JAML: variants seen among roughly 807,000 people sequenced by gnomAD.
JAML encodes the protein junctional adhesion molecule-like.
Under a neutral mutation model 39.3 loss-of-function variants are expected in JAML, and 25 were observed. That is an observed-to-expected ratio of 0.64 (90% CI 0.46 to 0.89). JAML has a LOEUF of 0.89. Among genes scored for constraint, JAML ranks in the 40% least tolerant of loss-of-function variants. JAML has a pLI of 0.00. For missense variants in JAML, 440 were observed against 486.9 expected, an observed-to-expected ratio of 0.90 and a Z score of 0.91; for synonymous variants, 162 against 179.2, an observed-to-expected ratio of 0.90 and a Z score of 0.77.
intron 3 of JAML, among the ~76,000 whole-genome samples, chr11:118,211,563 A>G (rs575450715): frequency 1.3e-5 from 2 of 152,308 alleles, no homozygotes; most frequent in African/African-American, 2.4e-5. Flanking sequence ...TCTTATTTCT[A>G]CTTACACTAT....
At chr11:118,217,315 G>A (rs1267079753) in intron 1 of JAML, among the ~76,000 whole-genome samples, 8 of 152,182 alleles carry the variant, frequency 5.3e-5, no homozygotes, top group Non-Finnish European at 8.8e-5. Flanking sequence ...GGAAGCCAGC[G>A]ACTCTAAAAA....
chr11:118,196,620 T>C lies in JAML; in HGVS notation c.1092+115A>G, dbSNP rs1458668055. The C allele has an allele frequency of 4.9e-6, 4 of 809,912 alleles. No homozygotes were observed. The East Asian group carries it at 9.8e-5, about 20-fold the overall frequency. The allele number at this position is 809,912 out of a possible 1,614,324, so 50.2% of individuals were successfully genotyped here. A position where few individuals can be genotyped will look rare whatever the true frequency, so the allele number is the denominator to read the frequency against. On this transcript the variant is annotated intron_variant, in intron 9 of 9. Coordinates refer to ENST00000356289, the MANE Select transcript of JAML (RefSeq NM_001098526.2). ...ACTTCAGTTTCTCAGACTTTTCTGCTACTTAGAAAAATCACCGCCCTCAGC... is the reference window on the plus strand; with the variant it reads ...ACTTCAGTTTCTCAGACTTTTCTGCCACTTAGAAAAATCACCGCCCTCAGC...
chr11:118,214,598 C>A (rs1458492863), intron 2 of JAML, among the ~76,000 whole-genome samples: 1 of 152,138 alleles, frequency 6.6e-6, no homozygotes, highest in Non-Finnish European at 1.5e-5. Context: ...CTTTAGGACC[C>A]AAATGCATTC....
At chr11:118,198,520 G>C (rs1397716443) in intron 7 of JAML, among the ~76,000 whole-genome samples, 2 of 151,984 alleles carry the variant, frequency 1.3e-5, no homozygotes, top group Non-Finnish European at 2.9e-5. Flanking sequence ...TGGCCTTTCC[G>C]GGGGGCGGAG....
At chr11:118,198,863 C>A (rs1948716914) in intron 7 of JAML, among the ~76,000 whole-genome samples, 1 of 152,138 alleles carries the variant, frequency 6.6e-6, no homozygotes. Flanking sequence ...CCCATGGGAT[C>A]CACCTTCTCC....
intron 3 of JAML, among the ~76,000 whole-genome samples, chr11:118,211,266 ATT>A (rs1452681249): frequency 6.6e-6 from 1 of 152,000 alleles, no homozygotes; most frequent in Non-Finnish European, 1.5e-5. Flanking sequence ...TTGGTTTTGT[ATT>A]GTTTTCTTCT....
chr11:118,205,767 G>A, intron 5 of JAML, 115 bp downstream of exon 5: 1 of 914,968 alleles, frequency 1.1e-6, no homozygotes, highest in South Asian at 1.5e-5. Context: ...GTCCAGTTCT[G>A]ATAAGCACCA....
intron 1 of JAML, among the ~76,000 whole-genome samples, chr11:118,224,663 GC>G (rs1262840456): frequency 6.6e-6 from 1 of 152,178 alleles, no homozygotes; most frequent in East Asian, 1.9e-4. Context: ...TGACTTAAAA[GC>G]TGAAGCCTTG....
intron 7 of JAML, 77 bp from the exon 8 acceptor site, chr11:118,198,168 T>TCACGAAGCCAAGAG: frequency 1.6e-6 from 2 of 1,231,258 alleles, no homozygotes; most frequent in Non-Finnish European, 2.4e-6. Flanking sequence ...GATCCCCTCT[T>TCACGAAGCCAAGAG]GGCTTCGTGA....
intron 2 of JAML, chr11:118,213,434 C>A: frequency 7.0e-5 from 38 of 542,264 alleles, no homozygotes; most frequent in Non-Finnish European, 8.2e-5. Context: ...CTTCCTGCCC[C>A]AACAGTAGGC....
At chr11:118,210,734 G>C in intron 3 of JAML, 22 bp from the exon 4 acceptor site, 1 of 1,602,262 alleles carries the variant, frequency 6.2e-7, no homozygotes, top group Non-Finnish European at 8.6e-7. Context: ...AACAGTGTTG[G>C]AGACAATCAA....
At chr11:118,205,833 A>G (rs1175046923) in intron 5 of JAML, 49 bp downstream of exon 5, 2 of 1,535,834 alleles carry the variant, frequency 1.3e-6, no homozygotes, top group African/African-American at 2.7e-5. Flanking sequence ...TTGTCCTGAT[A>G]CCATCAGCCA....
At chr11:118,197,006 CA>C in intron 8 of JAML, 185 bp from the exon 9 acceptor site, 1 of 553,938 alleles carries the variant, frequency 1.8e-6, no homozygotes, top group Non-Finnish European at 3.2e-6. Context: ...AATTAACTGT[CA>C]AAGAACACAG....
chr11:118,220,746 A>G (rs568175120), intron 1 of JAML, among the ~76,000 whole-genome samples: 1 of 152,186 alleles, frequency 6.6e-6, no homozygotes, highest in East Asian at 1.9e-4. Context: ...CCTCCAGGTA[A>G]GTGCCCTCAG....
In JAML at chr11:118,197,815, A is replaced by G. The variant is rs986683706; in HGVS notation, c.1005+183T>C. The G allele has an allele frequency of 1.2e-5, 7 of 573,410 alleles. No homozygotes were observed. In the South Asian group the frequency reaches 1.4e-4, roughly 12 times the overall value. The allele number at this position is 573,410 out of a possible 1,614,324, so 35.5% of individuals were successfully genotyped here. ...CTGCTGCCTGGGGCTGTCCCAGCCG[A>G]CCCCATGCACTGTACTCCGCAGAGG... On this transcript the variant is annotated intron_variant, in intron 8 of 9. Transcript: ENST00000356289.
In JAML at chr11:118,194,253, G is replaced by A; in HGVS notation, c.*72C>T. On this transcript the variant is annotated 3_prime_UTR_variant, in exon 10 of 10. Transcript: ENST00000356289. ...GGGAGAGCGGGAGTCTGAAATCACT[G>A]GTAGAGTGGCCCAGGACACACACAG... 7.5e-7 allele frequency: 1 copy of A among 1,332,108 alleles called. No individual in the cohort carries two copies. Among genetic ancestry groups the A allele is most frequent in the Non-Finnish European group, 1.1e-6 (1 of 925,046 alleles). The allele number at this position is 1,332,108 out of a possible 1,614,324, so 82.5% of individuals were successfully genotyped here. A position where few individuals can be genotyped will look rare whatever the true frequency, so the allele number is the denominator to read the frequency against.
At position 118,200,493 on chromosome 11, in the gene JAML, T is replaced by A; in HGVS notation, c.892A>T (p.Lys298Ter). ...CTGTACCTCTTATTTCCACAGGTCT[T>A]CTTCACGATCAATATCAGAACAGGG... is the stretch of plus-strand genomic sequence containing the variant. ...LLPVLILIVK[K>*]TCGNKSSVNS... The change falls in exon 7 of 10, where the codon AAG becomes TAG. Residue 298 changes from lysine (K) to a stop codon, truncating the protein, a stop_gained. Coordinates refer to ENST00000356289, the MANE Select transcript of JAML (RefSeq NM_001098526.2). LOFTEE classifies it high-confidence loss of function. 1 of 1,614,104 alleles carries A rather than the reference T, an allele frequency of 6.2e-7. No homozygotes were observed. The highest frequency in any genetic ancestry group is 8.5e-7 in the Non-Finnish European group (1 of 1,180,006).
chr11:118,200,793 C>G (rs1948776557), intron 6 of JAML, 181 bp from the exon 7 acceptor site: 3 of 578,074 alleles, frequency 5.2e-6, no homozygotes, highest in Non-Finnish European at 8.9e-6. Context: ...AGTCTAACCC[C>G]CTCGTTTACC....
rs939213095 is a variant in JAML at position 118,220,119 on chromosome 11, C to A, written c.-21+4822G>T. On this transcript the variant is annotated intron_variant, in intron 1 of 9. Coordinates refer to ENST00000356289, the MANE Select transcript of JAML (RefSeq NM_001098526.2). ...ACATGGTTTGGGGAACTCAGACCCA[C>A]CTCTTTCTCACTCTAAATTCTCCCC... Among the ~76,000 whole-genome samples, 7 of 152,320 alleles carry A rather than the reference C, an allele frequency of 4.6e-5. No individual in the cohort carries two copies. In the East Asian group the frequency reaches 1.3e-3, roughly 29 times the overall value.
Sources: allele counts gnomAD v4.1 joint callset (sites outside exome capture counted in the v4.1 genomes callset), GRCh38; gene constraint gnomAD v4.1.1; transcripts MANE v1.5; gene names NCBI Gene and HGNC (gene_info 2026-07-23, HGNC 2026-07-21).